LRRIQ3: variants seen among roughly 807,000 people sequenced by gnomAD.
LRRIQ3 encodes leucine rich repeats and IQ motif containing 3.
LRRIQ3 carries 75 observed loss-of-function variants against 59.3 expected under a neutral mutation model. That is an observed-to-expected ratio of 1.26 (90% CI 1.05 to 1.53). The LOEUF (loss-of-function observed/expected upper bound fraction) is 1.53, where lower values mean the gene tolerates loss of function less well. Among genes scored for constraint, LRRIQ3 ranks in the 40% most tolerant of loss-of-function variants. The pLI is 0.00. For missense variants in LRRIQ3, 831 were observed against 710.0 expected, an observed-to-expected ratio of 1.17 and a Z score of -1.94; for synonymous variants, 250 against 231.3, an observed-to-expected ratio of 1.08 and a Z score of -0.73.
At chr1:74,092,171 G>A (rs1375978874) in intron 5 of LRRIQ3, among the ~76,000 whole-genome samples, 1 of 152,046 alleles carries the variant, frequency 6.6e-6, no homozygotes, top group Non-Finnish European at 1.5e-5. Flanking sequence ...TTTGGGTCAT[G>A]AGGTACTATT....
chr1:74,083,693 A>G (rs1390296535), intron 5 of LRRIQ3: 1 of 151,986 alleles, frequency 6.6e-6, no homozygotes, highest in South Asian at 2.1e-4. Flanking sequence ...TAGGTAAGTC[A>G]TAAAACACAA....
chr1:74,184,934 T>C (rs1479104955), intron 1 of LRRIQ3, among the ~76,000 whole-genome samples: 1 of 152,194 alleles, frequency 6.6e-6, no homozygotes, highest in Non-Finnish European at 1.5e-5. Context: ...TCTTTCCTCA[T>C]TTAAAGAAAG....
chr1:74,169,146 T>A (rs1185643154), intron 3 of LRRIQ3, among the ~76,000 whole-genome samples: 2 of 152,170 alleles, frequency 1.3e-5, no homozygotes, highest in Admixed American at 1.3e-4. Flanking sequence ...CTATGTTAGA[T>A]GCTTCACATA....
chr1:74,100,323 T>A (rs1172515031), intron 5 of LRRIQ3, among the ~76,000 whole-genome samples: 1 of 151,384 alleles, frequency 6.6e-6, no homozygotes, highest in African/African-American at 2.4e-5. Context: ...TCAAAGAGAG[T>A]AAAATACCTA....
intron 5 of LRRIQ3, among the ~76,000 whole-genome samples, chr1:74,103,956 A>T (rs946836458): frequency 1.2e-4 from 18 of 151,862 alleles, no homozygotes; most frequent in Non-Finnish European, 1.9e-4. Context: ...ATGTAAATGC[A>T]CTCCTGTGCT....
intron 3 of LRRIQ3, 74 bp downstream of exon 3, chr1:74,182,464 A>C: frequency 1.2e-6 from 1 of 803,790 alleles, no homozygotes; most frequent in East Asian, 3.0e-5. Context: ...TATATAATTT[A>C]GATATAGAAC....
chr1:74,077,259 T>A (rs909584559), intron 5 of LRRIQ3, among the ~76,000 whole-genome samples: 1 of 151,914 alleles, frequency 6.6e-6, no homozygotes, highest in Admixed American at 6.6e-5. Flanking sequence ...AACTTCTCTC[T>A]GTTTCTGCCT....
At chr1:74,101,609 T>C (rs370091283) in intron 5 of LRRIQ3, among the ~76,000 whole-genome samples, 1 of 152,084 alleles carries the variant, frequency 6.6e-6, no homozygotes, top group South Asian at 2.1e-4. Flanking sequence ...CACATGCACA[T>C]GTATGTTTAT....
At chr1:74,147,836 C>A (rs1343013845) in intron 4 of LRRIQ3, among the ~76,000 whole-genome samples, 1 of 152,110 alleles carries the variant, frequency 6.6e-6, no homozygotes, top group Non-Finnish European at 1.5e-5. Context: ...TTTTGCAAGA[C>A]TTAAGATGTT....
At chr1:74,039,634 T>C (rs1312612482) in intron 7 of LRRIQ3, among the ~76,000 whole-genome samples, 1 of 152,252 alleles carries the variant, frequency 6.6e-6, no homozygotes, top group Admixed American at 6.5e-5. Context: ...CCAATATTCA[T>C]CATTCTTAAA....
chr1:74,105,706 G>A (rs953131859), intron 5 of LRRIQ3, among the ~76,000 whole-genome samples: 6 of 151,948 alleles, frequency 3.9e-5, no homozygotes, highest in African/African-American at 9.7e-5. Flanking sequence ...AGGGTTCACA[G>A]GGAGAATTGT....
intron 4 of LRRIQ3, 148 bp from the exon 5 acceptor site, chr1:74,109,701 G>A: frequency 7.1e-6 from 4 of 560,508 alleles, no homozygotes; most frequent in Non-Finnish European, 1.1e-5. Flanking sequence ...GTTATATAAT[G>A]CTACTTAGTA....
intron 5 of LRRIQ3, among the ~76,000 whole-genome samples, chr1:74,088,236 G>T (rs1053410717): frequency 6.6e-6 from 1 of 152,072 alleles, no homozygotes; most frequent in East Asian, 1.9e-4. Context: ...CATTTCGTAA[G>T]TTTTTTCAGA....
chr1:74,171,643 A>G (rs957588230), intron 3 of LRRIQ3, among the ~76,000 whole-genome samples: 2 of 152,124 alleles, frequency 1.3e-5, no homozygotes, highest in African/African-American at 4.8e-5. Context: ...TAGCAGTGTA[A>G]TGCTGGACTT....
At chr1:74,100,576 C>G (rs1165805390) in intron 5 of LRRIQ3, among the ~76,000 whole-genome samples, 1 of 152,094 alleles carries the variant, frequency 6.6e-6, no homozygotes, top group Non-Finnish European at 1.5e-5. Flanking sequence ...TCATATGGAA[C>G]CAAAAAATAG....
At chr1:74,101,370 C>T (rs1646530298) in intron 5 of LRRIQ3, among the ~76,000 whole-genome samples, 3 of 152,180 alleles carry the variant, frequency 2.0e-5, no homozygotes, top group Admixed American at 2.0e-4. Flanking sequence ...TATCATCTCA[C>T]ACCAGTTAGA....
At chr1:74,167,129 A>G (rs1362900790) in intron 3 of LRRIQ3, among the ~76,000 whole-genome samples, 1 of 152,028 alleles carries the variant, frequency 6.6e-6, no homozygotes, top group Non-Finnish European at 1.5e-5. Flanking sequence ...AAGTCATTAT[A>G]CAAAAAAGAT....
intron 1 of LRRIQ3, among the ~76,000 whole-genome samples, chr1:74,197,614 G>A (rs1018090609): frequency 6.6e-6 from 1 of 152,134 alleles, no homozygotes; most frequent in Non-Finnish European, 1.5e-5. Flanking sequence ...GCCTGGTTGC[G>A]GACTGAATTT....
At chr1:74,195,123 G>T (rs1458457145) in intron 1 of LRRIQ3, among the ~76,000 whole-genome samples, 1 of 151,784 alleles carries the variant, frequency 6.6e-6, no homozygotes, top group East Asian at 1.9e-4. Flanking sequence ...GGCATAGTGA[G>T]AAAAAAAATA....
Sources: allele counts gnomAD v4.1 joint callset (sites outside exome capture counted in the v4.1 genomes callset), GRCh38; gene constraint gnomAD v4.1.1; transcripts MANE v1.5; gene names NCBI Gene and HGNC (gene_info 2026-07-23, HGNC 2026-07-21).